ZNF383: variants seen among roughly 807,000 people sequenced by gnomAD.
ZNF383 encodes zinc finger protein 383.
ZNF383 carries 32 observed loss-of-function variants against 44.2 expected under a neutral mutation model. The ratio of observed to expected loss-of-function variants is 0.72; its 90% CI spans 0.55 to 0.97. The LOEUF is 0.97. Ranked by LOEUF, ZNF383 falls within the 50% of genes least tolerant of loss-of-function variation. The probability of loss-of-function intolerance (pLI) is 0.00; values close to 1 mark genes in which losing one functional copy is unlikely to be tolerated. For synonymous variants in ZNF383, 155 were observed against 186.2 expected, an observed-to-expected ratio of 0.83 and a Z score of 1.36; for missense variants, 487 against 562.5, an observed-to-expected ratio of 0.87 and a Z score of 1.36.
intron 1 of ZNF383, among the ~76,000 whole-genome samples, chr19:37,222,209 C>T (rs916337145): frequency 6.6e-6 from 1 of 151,138 alleles, no homozygotes; most frequent in Admixed American, 6.6e-5. Context: ...TGATGCTTGG[C>T]TTCTTTTGCT....
intron 2 of ZNF383, among the ~76,000 whole-genome samples, chr19:37,228,638 T>C (rs1973299599): frequency 6.6e-6 from 1 of 151,990 alleles, no homozygotes; most frequent in African/African-American, 2.4e-5. Flanking sequence ...CTAACTGCAG[T>C]GAATCCCCTT....
At chr19:37,237,428 G>A (rs951075378) in intron 5 of ZNF383, among the ~76,000 whole-genome samples, 2 of 152,120 alleles carry the variant, frequency 1.3e-5, no homozygotes, top group Non-Finnish European at 2.9e-5. Context: ...CAGAGCAGGA[G>A]AGATTTGGGA....
intron 2 of ZNF383, among the ~76,000 whole-genome samples, chr19:37,227,182 T>G (rs552686461): frequency 7.0e-6 from 1 of 142,722 alleles, no homozygotes; most frequent in Admixed American, 7.5e-5. Context: ...TGGCGCAATC[T>G]CGGCTCACCG....
At chr19:37,221,935 G>T (rs1179506806) in intron 1 of ZNF383, among the ~76,000 whole-genome samples, 1 of 136,774 alleles carries the variant, frequency 7.3e-6, no homozygotes, top group Non-Finnish European at 1.5e-5. Context: ...CAGCCTGGCC[G>T]ACAGAGCGAG....
intron 2 of ZNF383, among the ~76,000 whole-genome samples, chr19:37,229,708 A>ATG (rs1266213856): frequency 2.4e-5 from 3 of 125,922 alleles, no homozygotes; most frequent in East Asian, 2.2e-4. Context: ...GTATATATAT[A>ATG]TGTGTGTGTA....
In ZNF383 at chr19:37,247,755, CTG is replaced by C. The variant is rs1373719408; in HGVS notation, c.*4094_*4095del. 6.6e-6 allele frequency: 1 copy of C among 152,028 alleles called. No homozygotes were observed. Among genetic ancestry groups the C allele is most frequent in the Non-Finnish European group, 1.5e-5 (1 of 68,018 alleles). 9.4% of individuals were successfully genotyped at this position (152,028 alleles called of 1,614,324 possible). A position where few individuals can be genotyped will look rare whatever the true frequency, so the allele number is the denominator to read the frequency against. On this transcript the variant is annotated 3_prime_UTR_variant, in exon 6 of 6. Coordinates refer to ENST00000684119, the MANE Select transcript of ZNF383 (RefSeq NM_001387601.1). ...ATATATCTGAAAATCTGGAAAAAGT[CTG>C]TGATTTTTAATAAGTTGACGACATC...
rs1046227392 is a variant in ZNF383 at position 37,246,887 on chromosome 19, A to T, written c.*3223A>T. On this transcript the variant is annotated 3_prime_UTR_variant, in exon 6 of 6. Transcript: ENST00000684119. ...CAAAAAAGCAGGAAGAGATTATAAA[A>T]TTTTTTCTAATATTTCCCCCCAAAA... 3 of 152,096 alleles carry T rather than the reference A, an allele frequency of 2.0e-5. No homozygotes were observed. The highest frequency in any genetic ancestry group is 4.8e-5 in the African/African-American group (2 of 41,414). The allele number at this position is 152,096 out of a possible 1,614,324, so 9.4% of individuals were successfully genotyped here.
chr19:37,231,780 C>T (rs187192702), intron 3 of ZNF383, among the ~76,000 whole-genome samples: 1 of 152,184 alleles, frequency 6.6e-6, no homozygotes, highest in Admixed American at 6.5e-5. Flanking sequence ...GATGATTCAT[C>T]AATAGGATAG....
chr19:37,228,550 A>C, intron 2 of ZNF383, among the ~76,000 whole-genome samples: 1 of 152,074 alleles, frequency 6.6e-6, no homozygotes, highest in Admixed American at 6.5e-5. Context: ...CAGAGTATGC[A>C]ATAAGCTCTC....
intron 3 of ZNF383, among the ~76,000 whole-genome samples, chr19:37,230,896 G>T (rs1023014035): frequency 1.3e-5 from 2 of 152,164 alleles, no homozygotes; most frequent in South Asian, 2.1e-4. Context: ...TGTGGTGCTG[G>T]TAGTTCCAAA....
intron 2 of ZNF383, 187 bp downstream of exon 2, chr19:37,225,126 G>A (rs1274331654): frequency 6.7e-6 from 1 of 148,714 alleles, no homozygotes; most frequent in Admixed American, 6.8e-5. Flanking sequence ...GATGAGTTTT[G>A]ATCTTGTTGC....
intron 2 of ZNF383, among the ~76,000 whole-genome samples, chr19:37,225,471 A>G (rs1030686762): frequency 1.3e-5 from 2 of 152,154 alleles, no homozygotes; most frequent in African/African-American, 4.8e-5. Context: ...TTCATCTTGC[A>G]AACTGAATTA....
At chr19:37,242,043 A>ATC (rs200663702) in intron 5 of ZNF383, among the ~76,000 whole-genome samples, 3 of 121,992 alleles carry the variant, frequency 2.5e-5, no homozygotes, top group African/African-American at 9.7e-5. Context: ...TATATATAGT[A>ATC]TAGATACTAT....
chr19:37,235,474 C>T (rs1255342174), intron 3 of ZNF383, 75 bp from the exon 4 acceptor site: 2 of 1,475,570 alleles, frequency 1.4e-6, no homozygotes, highest in Non-Finnish European at 1.9e-6. Context: ...TTTTGTATTA[C>T]CCCACAATAC....
At chr19:37,234,188 C>T (rs1973652920) in intron 3 of ZNF383, among the ~76,000 whole-genome samples, 1 of 151,884 alleles carries the variant, frequency 6.6e-6, no homozygotes, top group Admixed American at 6.6e-5. Flanking sequence ...TAAATAGGTG[C>T]CTCAAGCATT....
At position 37,248,652 on chromosome 19, in the gene ZNF383, AC is replaced by A. The variant is rs1386879770; in HGVS notation, c.*4990del. ...TCTGTCAATGAAAATATATGCTCTA[AC>A]CTCAACATCTTCTAGATGAACCCTT... is the stretch of plus-strand genomic sequence containing the variant. On this transcript the variant is annotated 3_prime_UTR_variant, in exon 6 of 6. Coordinates refer to ENST00000684119, the MANE Select transcript of ZNF383 (RefSeq NM_001387601.1). 1 of 152,188 alleles carries A rather than the reference AC, an allele frequency of 6.6e-6. No individual in the cohort carries two copies. The highest frequency in any genetic ancestry group is 2.4e-5 in the African/African-American group (1 of 41,448). 9.4% of individuals were successfully genotyped at this position (152,188 alleles called of 1,614,324 possible).
intron 3 of ZNF383, among the ~76,000 whole-genome samples, chr19:37,231,048 T>C (rs1383603193): frequency 2.0e-5 from 3 of 152,202 alleles, no homozygotes; most frequent in Admixed American, 6.5e-5. Context: ...TTGTAAGGAA[T>C]TTCTGTGAAT....
intron 5 of ZNF383, among the ~76,000 whole-genome samples, chr19:37,240,089 G>T (rs994863105): frequency 6.6e-6 from 1 of 151,128 alleles, no homozygotes; most frequent in African/African-American, 2.4e-5. Flanking sequence ...AACCCTGGAG[G>T]TGTAGGTTGC....
chr19:37,233,480 AG>A (rs973750133), intron 3 of ZNF383, among the ~76,000 whole-genome samples: 43 of 150,830 alleles, frequency 2.9e-4, no homozygotes, highest in African/African-American at 1.0e-3. Flanking sequence ...CCCAGGCTGG[AG>A]TGCAGTGGTG....
Sources: allele counts gnomAD v4.1 joint callset (sites outside exome capture counted in the v4.1 genomes callset), GRCh38; gene constraint gnomAD v4.1.1; transcripts MANE v1.5; gene names NCBI Gene and HGNC (gene_info 2026-07-23, HGNC 2026-07-21).